HLCS: variants seen among roughly 807,000 people sequenced by gnomAD.
HLCS encodes holocarboxylase synthetase.
A neutral mutation model predicts 75.0 loss-of-function variants in HLCS; 53 were observed. The ratio of observed to expected loss-of-function variants is 0.71; its 90% CI spans 0.57 to 0.89. HLCS has a LOEUF of 0.89. Among genes scored for constraint, HLCS ranks in the 40% least tolerant of loss-of-function variants. The probability of loss-of-function intolerance (pLI) is 0.00; values close to 1 mark genes in which losing one functional copy is unlikely to be tolerated. For missense variants in HLCS, 966 were observed against 1,074.0 expected, an observed-to-expected ratio of 0.90 and a Z score of 1.41; for synonymous variants, 431 against 428.6, an observed-to-expected ratio of 1.01 and a Z score of -0.07.
intron 5 of HLCS, among the ~76,000 whole-genome samples, chr21:36,920,259 G>A (rs1028974708): frequency 4.6e-5 from 7 of 151,656 alleles, no homozygotes; most frequent in Non-Finnish European, 8.8e-5. Context: ...CCTGAGCTCA[G>A]GAGTTCAAGG....
chr21:36,792,780 G>A (rs1047031006), intron 6 of HLCS, among the ~76,000 whole-genome samples: 4 of 152,118 alleles, frequency 2.6e-5, no homozygotes, highest in Non-Finnish European at 5.9e-5. Flanking sequence ...GTTACAACAC[G>A]TGGTGCCTCC....
chr21:36,750,119 T>C lies in HLCS; in HGVS notation c.*4127A>G, dbSNP rs1416519553. ...GCAACCTAATATTGTGACCTCCATC[T>C]TGAAGAGTCTGCACATTTAAGCTGG... On this transcript the variant is annotated 3_prime_UTR_variant, in exon 11 of 11. Transcript: ENST00000674895. Among the ~76,000 whole-genome samples the C allele has an allele frequency of 3.3e-5, 5 of 152,244 alleles. No homozygotes were observed. The highest frequency in any genetic ancestry group is 6.5e-5 in the Admixed American group (1 of 15,278).
chr21:36,757,761 A>C (rs112341810), intron 9 of HLCS, among the ~76,000 whole-genome samples: 1,891 of 152,318 alleles, frequency 0.012, 40 homozygotes, highest in African/African-American at 0.043. Flanking sequence ...TGGAAAAAAA[A>C]CAAGTAACTA....
intron 6 of HLCS, among the ~76,000 whole-genome samples, chr21:36,862,864 G>A (rs180911157): frequency 7.2e-5 from 11 of 151,930 alleles, no homozygotes; most frequent in South Asian, 2.1e-4. Flanking sequence ...AGTGAGCCCC[G>A]AAGTCCCAAA....
At chr21:36,897,704 C>T (rs561362850) in intron 5 of HLCS, among the ~76,000 whole-genome samples, 1 of 152,238 alleles carries the variant, frequency 6.6e-6, no homozygotes, top group South Asian at 2.1e-4. Flanking sequence ...GTGGGGTACC[C>T]CAAAGCTGCT....
intron 6 of HLCS, among the ~76,000 whole-genome samples, chr21:36,802,414 T>C (rs925456818): frequency 6.6e-5 from 10 of 152,260 alleles, no homozygotes; most frequent in Non-Finnish European, 1.3e-4. Context: ...TTCTGTGTCA[T>C]AAACATTCTC....
intron 6 of HLCS, among the ~76,000 whole-genome samples, chr21:36,864,939 A>G (rs1035942774): frequency 1.3e-5 from 2 of 152,186 alleles, no homozygotes; most frequent in African/African-American, 4.8e-5. Flanking sequence ...TATTTGTCAA[A>G]AATCATGCCT....
chr21:36,829,252 A>G (rs1027524518), intron 6 of HLCS, among the ~76,000 whole-genome samples: 1 of 152,198 alleles, frequency 6.6e-6, no homozygotes, highest in South Asian at 2.1e-4. Context: ...AGTTTGTATG[A>G]GAAGCACAAC....
Position 36,966,529 on chromosome 21 carries a change from G to A in HLCS, c.110C>T (p.Thr37Ile), listed in dbSNP as rs1288296688. Reference protein sequence around the residue: ...RRLRASRCSFTFCGAAAQPPG... With the variant: ...RRLRASRCSFIFCGAAAQPPG... ...GGGCTGCGCGGCCGCGCCGCAGAAGGTGAAGGAACAGCGCGAGGCACGCAG... is the reference window on the plus strand; with the variant it reads ...GGGCTGCGCGGCCGCGCCGCAGAAGATGAAGGAACAGCGCGAGGCACGCAG... The change falls in exon 1 of 11, where the codon ACC becomes ATC. Residue 37 changes from threonine to isoleucine, a missense_variant. Physicochemically the swap from Thr to Ile is moderately conservative, Grantham distance 89 (BLOSUM62 -1). Transcript: ENST00000674895. 2.0e-6 allele frequency: 2 copies of A among 998,916 alleles called. No individual in the cohort carries two copies. Among genetic ancestry groups the A allele is most frequent in the Non-Finnish European group, 2.4e-6 (2 of 841,140 alleles). 61.9% of individuals were successfully genotyped at this position (998,916 alleles called of 1,614,324 possible). A position where few individuals can be genotyped will look rare whatever the true frequency, so the allele number is the denominator to read the frequency against.
chr21:36,939,646 G>C (rs1316883832), intron 2 of HLCS, among the ~76,000 whole-genome samples: 1 of 152,194 alleles, frequency 6.6e-6, no homozygotes, highest in South Asian at 2.1e-4. Flanking sequence ...GAGAAAGAGA[G>C]CAGGCAAAAC....
chr21:36,889,147 G>T (rs1312265892), intron 6 of HLCS, among the ~76,000 whole-genome samples: 2 of 152,238 alleles, frequency 1.3e-5, no homozygotes, highest in Non-Finnish European at 2.9e-5. Context: ...ATGAGGCAAA[G>T]AAGTCAAATC....
In HLCS at chr21:36,749,337, TA is replaced by T. The variant is rs2089293147; in HGVS notation, c.*4908del. ...GCTGCTTTATCAAAATGGTTTATTT[TA>T]GGAAACTTTTTCCACCTTTCTGAAT... On this transcript the variant is annotated 3_prime_UTR_variant, in exon 11 of 11. Transcript: ENST00000674895. The T allele has an allele frequency of 1.3e-5, 2 of 152,538 alleles. No homozygotes were observed. Among genetic ancestry groups the T allele is most frequent in the African/African-American group, 4.8e-5 (2 of 41,478 alleles). 9.4% of individuals were successfully genotyped at this position (152,538 alleles called of 1,614,324 possible).
intron 6 of HLCS, among the ~76,000 whole-genome samples, chr21:36,771,137 G>T (rs901904673): frequency 4.6e-5 from 7 of 152,010 alleles, no homozygotes; most frequent in Non-Finnish European, 7.4e-5. Context: ...GGAGAATGGC[G>T]TGAACCCGGG....
intron 1 of HLCS, among the ~76,000 whole-genome samples, chr21:36,972,807 T>C (rs951546690): frequency 2.0e-5 from 3 of 152,226 alleles, no homozygotes; most frequent in South Asian, 2.1e-4. Flanking sequence ...ATGAATAGTA[T>C]TGAAACATCT....
chr21:36,949,976 T>C (rs2067593186), intron 2 of HLCS, among the ~76,000 whole-genome samples: 3 of 152,150 alleles, frequency 2.0e-5, no homozygotes, highest in African/African-American at 7.2e-5. Flanking sequence ...TCTGCACAAG[T>C]GACCCACCAT....
intron 6 of HLCS, among the ~76,000 whole-genome samples, chr21:36,852,464 C>T (rs779684812): frequency 3.5e-4 from 53 of 152,134 alleles, no homozygotes; most frequent in Non-Finnish European, 6.0e-4. Flanking sequence ...GCTGGATTTC[C>T]CAGACAATTC....
chr21:36,882,620 CTTTTTTTT>C (rs35012674), intron 6 of HLCS, among the ~76,000 whole-genome samples: 1 of 104,452 alleles, frequency 9.6e-6, no homozygotes, highest in African/African-American at 4.2e-5. Context: ...TTCTTTCTTT[CTTTTTTTT>C]TTTTTTTTTT....
intron 6 of HLCS, among the ~76,000 whole-genome samples, chr21:36,836,196 G>A (rs2062405476): frequency 6.6e-6 from 1 of 151,870 alleles, no homozygotes; most frequent in Non-Finnish European, 1.5e-5. Flanking sequence ...ATACTGGTAA[G>A]GGCCGATGTC....
At chr21:36,802,395 A>G (rs1832658696) in intron 6 of HLCS, among the ~76,000 whole-genome samples, 3 of 152,222 alleles carry the variant, frequency 2.0e-5, no homozygotes, top group South Asian at 2.1e-4. Flanking sequence ...AGGGTTGGGA[A>G]TCACTGTTTT....
Sources: gnomAD v4.1 joint callset for allele counts (sites outside exome capture counted in the v4.1 genomes callset) on GRCh38, gnomAD v4.1.1 for gene constraint, MANE v1.5 for transcripts, NCBI Gene and HGNC (gene_info 2026-07-23, HGNC 2026-07-21) for gene names.